ZNF730: variants seen among roughly 807,000 people sequenced by gnomAD.
The protein encoded by ZNF730 is zinc finger protein 730.
ZNF730 carries 12 observed loss-of-function variants against 12.6 expected under a neutral mutation model. That is an observed-to-expected ratio of 0.95 (90% CI 0.61 to 1.54). ZNF730 has a LOEUF of 1.54. ZNF730 is among the 40% of genes most tolerant of loss of function. ZNF730 has a pLI of 0.00. For missense variants in ZNF730, 643 were observed against 583.5 expected (o/e 1.10, Z -1.05); for synonymous variants, 194 against 195.8 (o/e 0.99, Z 0.08).
intron 1 of ZNF730, among the ~76,000 whole-genome samples, chr19:23,131,701 A>G (rs1003329534): frequency 4.1e-4 from 63 of 152,226 alleles, no homozygotes; most frequent in African/African-American, 1.4e-3. Flanking sequence ...GTGGAGAAAC[A>G]TCAGCATTGA....
At chr19:23,091,669 T>C (rs951096531) in intron 1 of ZNF730, among the ~76,000 whole-genome samples, 2 of 152,210 alleles carry the variant, frequency 1.3e-5, no homozygotes, top group Non-Finnish European at 2.9e-5. Context: ...ATTTTGGACT[T>C]GCATGGTCCC....
At chr19:23,114,087 T>C (rs947776947), upstream of ZNF730, among the ~76,000 whole-genome samples, 1 of 152,082 alleles carries the variant, frequency 6.6e-6, no homozygotes, top group South Asian at 2.1e-4. Context: ...ATAAGGAAAA[T>C]CCCAAGCTGT....
At chr19:23,089,110 G>A (rs911358868) in intron 1 of ZNF730, among the ~76,000 whole-genome samples, 6 of 152,104 alleles carry the variant, frequency 3.9e-5, no homozygotes, top group Non-Finnish European at 5.9e-5. Flanking sequence ...GACCTCAGGC[G>A]ATCCACCTGG....
At chr19:23,099,704 T>G (rs1002143240) in intron 1 of ZNF730, among the ~76,000 whole-genome samples, 1 of 152,194 alleles carries the variant, frequency 6.6e-6, no homozygotes, top group Non-Finnish European at 1.5e-5. Context: ...AGACCCAACT[T>G]GCAGGAGATG....
At position 23,077,212 on chromosome 19, in the gene ZNF730, A is replaced by C. The variant is rs554398664; in HGVS notation, c.-94+1825A>C. On this transcript the variant is annotated intron_variant, in intron 1 of 2. Transcript: ENST00000593635. ...GAGGAGGGAGAGGAACAAAAAAAGT[A>C]ATTAATGGGTACTAGGTTTCATACC... Among the ~76,000 whole-genome samples, 27 of 152,050 alleles carry C rather than the reference A, an allele frequency of 1.8e-4. No homozygotes were observed. The South Asian group carries it at 3.7e-3, about 21-fold the overall frequency.
intron 1 of ZNF730, among the ~76,000 whole-genome samples, chr19:23,091,781 A>G (rs892828738): frequency 6.6e-6 from 1 of 152,046 alleles, no homozygotes; most frequent in Non-Finnish European, 1.5e-5. Context: ...CTTGCTTTTG[A>G]TTTTACAGAC....
intron 1 of ZNF730, among the ~76,000 whole-genome samples, chr19:23,088,551 C>T (rs560067511): frequency 2.6e-5 from 4 of 152,104 alleles, no homozygotes; most frequent in South Asian, 2.1e-4. Flanking sequence ...GCAGCCTCCA[C>T]CTACTGGGCT....
upstream of ZNF730, among the ~76,000 whole-genome samples, chr19:23,114,300 C>CTTTTTTTT (rs11413226): frequency 3.9e-3 from 467 of 119,412 alleles, 33 homozygotes; most frequent in Middle Eastern, 0.014. Flanking sequence ...TTTTCTTTTT[C>CTTTTTTTT]TTTTCTTTTT....
intron 1 of ZNF730, chr19:23,125,945 A>G (rs537003440): frequency 6.6e-5 from 10 of 152,544 alleles, no homozygotes; most frequent in African/African-American, 2.4e-4. Context: ...TGTTTATTTT[A>G]CAATAATTGG....
chr19:23,114,803 A>T (rs1387173239), upstream of ZNF730, among the ~76,000 whole-genome samples: 1 of 151,980 alleles, frequency 6.6e-6, no homozygotes, highest in Non-Finnish European at 1.5e-5. Flanking sequence ...TTTTTTTGAG[A>T]TGGGGTCTCA....
chr19:23,106,823 G>A (rs1370790421), intron 1 of ZNF730, among the ~76,000 whole-genome samples: 6 of 150,438 alleles, frequency 4.0e-5, no homozygotes, highest in African/African-American at 1.5e-4. Flanking sequence ...TGGAATGAAA[G>A]GTCTTAATTT....
rs1294041832 is a variant in ZNF730 at position 23,076,665 on chromosome 19, T to C, written c.-94+1278T>C. Among the ~76,000 whole-genome samples, 3 of 152,310 alleles carry C rather than the reference T, an allele frequency of 2.0e-5. No homozygotes were observed. In the East Asian group the frequency reaches 5.8e-4, roughly 29 times the overall value. ...TGGGCCTGAGGACAGTCTCCTGGTA[T>C]ACCATTTGTCTAAAAAGCTACCTCT... On this transcript the variant is annotated intron_variant, in intron 1 of 2. Transcript: ENST00000593635.
chr19:23,094,447 TA>T (rs1443881319), intron 1 of ZNF730, among the ~76,000 whole-genome samples: 1 of 149,692 alleles, frequency 6.7e-6, no homozygotes, highest in South Asian at 2.1e-4. Context: ...AGGTAGGTGG[TA>T]GGTAGGTAGG....
At chr19:23,132,218 T>A (rs1037860339) in intron 1 of ZNF730, among the ~76,000 whole-genome samples, 3 of 152,190 alleles carry the variant, frequency 2.0e-5, no homozygotes, top group African/African-American at 7.2e-5. Context: ...GATGTGGTGC[T>A]TACATTGTTA....
chr19:23,135,380 A>G (rs1460306313), intron 2 of ZNF730, among the ~76,000 whole-genome samples: 2 of 151,800 alleles, frequency 1.3e-5, no homozygotes, highest in Non-Finnish European at 2.9e-5. Flanking sequence ...TTAGAAATTT[A>G]GTTGCAACAT....
At chr19:23,124,040 C>G (rs1970632187) in intron 1 of ZNF730, 1 of 152,102 alleles carries the variant, frequency 6.6e-6, no homozygotes, top group Non-Finnish European at 1.5e-5. Context: ...GCAGTTCTAC[C>G]CAGGAGGCCT....
chr19:23,113,638 G>A (rs1204684606), upstream of ZNF730, among the ~76,000 whole-genome samples: 1 of 152,116 alleles, frequency 6.6e-6, no homozygotes, highest in Non-Finnish European at 1.5e-5. Flanking sequence ...TAAGGAAATA[G>A]GTAGATTCTG....
chr19:23,103,694 A>G (rs2145546248), intron 1 of ZNF730, among the ~76,000 whole-genome samples: 1 of 152,250 alleles, frequency 6.6e-6, no homozygotes, highest in Non-Finnish European at 1.5e-5. Flanking sequence ...TGTTTATTCC[A>G]TCTTTAGGTT....
At chr19:23,082,046 TTTGC>T (rs1383465959) in intron 1 of ZNF730, among the ~76,000 whole-genome samples, 1 of 152,204 alleles carries the variant, frequency 6.6e-6, no homozygotes, top group African/African-American at 2.4e-5. Flanking sequence ...ACACCTGGAC[TTTGC>T]TAACTATTTT....
Sources: gnomAD v4.1 joint callset for allele counts (sites outside exome capture counted in the v4.1 genomes callset) on GRCh38, gnomAD v4.1.1 for gene constraint, MANE v1.5 for transcripts, NCBI Gene and HGNC (gene_info 2026-07-23, HGNC 2026-07-21) for gene names.